LCLAT1: variants seen among roughly 807,000 people sequenced by gnomAD.
LCLAT1 encodes the protein 1-AGP acyltransferase 8.
A neutral mutation model predicts 30.7 loss-of-function variants in LCLAT1; 11 were observed. The observed-to-expected ratio is 0.36, with a 90% CI of 0.23 to 0.59. The LOEUF (loss-of-function observed/expected upper bound fraction) is 0.59, where lower values mean the gene tolerates loss of function less well. Among genes scored for constraint, LCLAT1 ranks in the 20% least tolerant of loss-of-function variants. The pLI, the probability that LCLAT1 is intolerant of heterozygous loss-of-function variation, is 0.77. For missense variants in LCLAT1, 402 were observed against 458.6 expected, an observed-to-expected ratio of 0.88 and a Z score of 1.13; for synonymous variants, 155 against 151.3, an observed-to-expected ratio of 1.02 and a Z score of -0.18.
At chr2:30,630,605 A>G (rs1301488250) in intron 5 of LCLAT1, among the ~76,000 whole-genome samples, 1 of 152,236 alleles carries the variant, frequency 6.6e-6, no homozygotes, top group Non-Finnish European at 1.5e-5. Context: ...ATAAAATTTT[A>G]TGTCTAAATA....
intron 4 of LCLAT1, 82 bp from the exon 5 acceptor site, chr2:30,567,978 C>T: frequency 2.9e-6 from 2 of 685,148 alleles, no homozygotes; most frequent in South Asian, 2.0e-5. Flanking sequence ...TATTTTTTAT[C>T]AAAAAAAATT....
intron 1 of LCLAT1, among the ~76,000 whole-genome samples, chr2:30,447,979 C>T (rs577344037): frequency 1.3e-5 from 2 of 151,318 alleles, no homozygotes; most frequent in African/African-American, 4.9e-5. Flanking sequence ...GATGCCAAAC[C>T]TGATCTTTAA....
At chr2:30,547,535 T>C (rs1203100502) in intron 3 of LCLAT1, among the ~76,000 whole-genome samples, 1 of 151,982 alleles carries the variant, frequency 6.6e-6, no homozygotes, top group Non-Finnish European at 1.5e-5. Context: ...AACCAAAGGG[T>C]CTTATGGGAG....
intron 3 of LCLAT1, among the ~76,000 whole-genome samples, chr2:30,543,196 A>G (rs143801143): frequency 1.3e-5 from 2 of 152,152 alleles, no homozygotes; most frequent in Admixed American, 1.3e-4. Flanking sequence ...TTTGGTTTTA[A>G]TGCTTTTTCT....
chr2:30,543,754 A>G (rs1038730687), intron 3 of LCLAT1, among the ~76,000 whole-genome samples: 2 of 151,910 alleles, frequency 1.3e-5, no homozygotes, highest in East Asian at 3.9e-4. Flanking sequence ...CCCTTCTTTT[A>G]TTTCTCACTT....
At chr2:30,483,464 A>T (rs1009250562) in intron 1 of LCLAT1, among the ~76,000 whole-genome samples, 1 of 152,232 alleles carries the variant, frequency 6.6e-6, no homozygotes, top group Non-Finnish European at 1.5e-5. Flanking sequence ...ACCTTAGTAG[A>T]TCTCACTGTC....
chr2:30,490,678 A>C (rs1037158772), intron 1 of LCLAT1, among the ~76,000 whole-genome samples: 1 of 152,238 alleles, frequency 6.6e-6, no homozygotes, highest in Admixed American at 6.5e-5. Context: ...TAAGATTTTG[A>C]ACTCATAAAT....
chr2:30,609,228 T>C (rs572303138), intron 5 of LCLAT1, among the ~76,000 whole-genome samples: 42 of 151,916 alleles, frequency 2.8e-4, no homozygotes, highest in South Asian at 8.8e-4. Flanking sequence ...TACATATTCA[T>C]TGAACAGAAA....
chr2:30,619,990 T>C (rs1031703397), intron 5 of LCLAT1, among the ~76,000 whole-genome samples: 3 of 152,244 alleles, frequency 2.0e-5, no homozygotes, highest in African/African-American at 7.2e-5. Flanking sequence ...TTAAAATTGT[T>C]GTTGCCTTAA....
intron 5 of LCLAT1, among the ~76,000 whole-genome samples, chr2:30,600,590 TTTTC>T (rs1212941585): frequency 1.4e-5 from 2 of 146,932 alleles, no homozygotes; most frequent in African/African-American, 2.5e-5. Flanking sequence ...TTGGAAATTC[TTTTC>T]TTTAAGAATG....
intron 3 of LCLAT1, among the ~76,000 whole-genome samples, chr2:30,534,149 G>A (rs1351061262): frequency 6.6e-6 from 1 of 151,946 alleles, no homozygotes; most frequent in Non-Finnish European, 1.5e-5. Flanking sequence ...TGATTTGTGA[G>A]GGCAAAGGGC....
chr2:30,578,963 G>A (rs1373805072), intron 5 of LCLAT1, among the ~76,000 whole-genome samples: 3 of 151,972 alleles, frequency 2.0e-5, no homozygotes, highest in Non-Finnish European at 4.4e-5. Flanking sequence ...ATAACCTTTT[G>A]GATCAGTAAA....
chr2:30,570,906 G>C (rs995412190), intron 5 of LCLAT1, among the ~76,000 whole-genome samples: 3 of 152,052 alleles, frequency 2.0e-5, no homozygotes, highest in African/African-American at 7.2e-5. Context: ...TGAATAAAGA[G>C]AGAAAAAGTT....
intron 1 of LCLAT1, among the ~76,000 whole-genome samples, chr2:30,519,499 G>T (rs997734748): frequency 8.5e-5 from 13 of 152,266 alleles, no homozygotes; most frequent in Non-Finnish European, 1.3e-4. Context: ...TGAGAGGGGG[G>T]ACTGAGAGAC....
intron 5 of LCLAT1, among the ~76,000 whole-genome samples, chr2:30,626,737 GT>G (rs1192924948): frequency 6.7e-6 from 1 of 148,972 alleles, no homozygotes; most frequent in Non-Finnish European, 1.5e-5. Context: ...CTCTTTTTCA[GT>G]TTTCCTCTTT....
rs555737316 is a variant in LCLAT1, at chr2:30,476,537, T to C, written c.-5+29154T>C. Reference sequence around the variant, plus strand: ...AGGTTGCATGTTCCTTAGGAGAATCTAATGCCTGATGATCTGTCACTGTCT... The same window carrying C: ...AGGTTGCATGTTCCTTAGGAGAATCCAATGCCTGATGATCTGTCACTGTCT... On this transcript the variant is annotated intron_variant, in intron 1 of 5. Transcript: ENST00000379509. 11 of 455,950 alleles carry C rather than the reference T, an allele frequency of 2.4e-5. No homozygotes were observed. In the East Asian group the frequency reaches 6.9e-4, roughly 29 times the overall value. 28.2% of individuals were successfully genotyped at this position (455,950 alleles called of 1,614,324 possible).
chr2:30,521,502 T>TAA lies in LCLAT1; in HGVS notation c.-4-4085_-4-4084insAA, dbSNP rs1685474486. Among the ~76,000 whole-genome samples, 2 of 86,260 alleles carry TAA rather than the reference T, an allele frequency of 2.3e-5. 1 individual carries two copies. The highest frequency in any genetic ancestry group is 2.7e-4 in the Admixed American group (2 of 7,524). The allele number at this position is 86,260 out of a possible 152,430, so 56.6% of individuals were successfully genotyped here. ...CCTAAACTACTTCTTCTTTTTTTTTTTTTTTTTTTTTTTTTTTTTTTTTTG... is the reference window on the plus strand; with the variant it reads ...CCTAAACTACTTCTTCTTTTTTTTTTAATTTTTTTTTTTTTTTTTTTTTTTTG... On this transcript the variant is annotated intron_variant, in intron 1 of 5. Transcript: ENST00000379509.
At chr2:30,579,214 T>G (rs934832033) in intron 5 of LCLAT1, among the ~76,000 whole-genome samples, 1 of 152,156 alleles carries the variant, frequency 6.6e-6, no homozygotes, top group Admixed American at 6.5e-5. Context: ...CAGGAAATAC[T>G]GTGACTTTTG....
At chr2:30,632,737 G>C (rs775136803) in intron 5 of LCLAT1, among the ~76,000 whole-genome samples, 7 of 152,206 alleles carry the variant, frequency 4.6e-5, no homozygotes, top group Admixed American at 3.3e-4. Context: ...AAAACCCTAC[G>C]AGGGTAGGGA....
Sources: gnomAD v4.1 joint callset for allele counts (sites outside exome capture counted in the v4.1 genomes callset) on GRCh38, gnomAD v4.1.1 for gene constraint, MANE v1.5 for transcripts, NCBI Gene and HGNC (gene_info 2026-07-23, HGNC 2026-07-21) for gene names.